FUT8: variants seen among roughly 807,000 people sequenced by gnomAD.
The protein encoded by FUT8 is alpha-(1,6)-fucosyltransferase.
FUT8 carries 29 observed loss-of-function variants against 71.3 expected under a neutral mutation model. The observed-to-expected ratio is 0.41, with a 90% CI of 0.30 to 0.55. FUT8 has a LOEUF of 0.55. Ranked by LOEUF, FUT8 falls within the 20% of genes least tolerant of loss-of-function variation. FUT8 has a pLI of 0.34. For synonymous variants in FUT8, 254 were observed against 239.3 expected (o/e 1.06, Z -0.57); for missense variants, 544 against 702.1 (o/e 0.77, Z 2.55).
upstream of FUT8, among the ~76,000 whole-genome samples, chr14:65,409,322 AT>A (rs2065100694): frequency 6.6e-6 from 1 of 152,178 alleles, no homozygotes; most frequent in South Asian, 2.1e-4. This position sits in a 1 kb window ranked among gnomAD's most constrained non-coding sequence, Gnocchi z 5.4. Flanking sequence ...AGATAGAAAA[AT>A]TTCTAAACTA....
Position 65,603,940 on chromosome 14 carries a change from C to A in FUT8, c.204-12038C>A, listed in dbSNP as rs946971425. On this transcript the variant is annotated intron_variant, in intron 3 of 10. Transcript: ENST00000673929. This position sits in a 1 kb window ranked among gnomAD's most constrained non-coding sequence, Gnocchi z 4.5. Reference sequence around the variant, plus strand: ...ATTTCATGCAAATGGACACCCAAAGCGAGCAGGAGTAGCTATTCTTACATC... The same window carrying A: ...ATTTCATGCAAATGGACACCCAAAGAGAGCAGGAGTAGCTATTCTTACATC... Among the ~76,000 whole-genome samples the A allele has an allele frequency of 6.6e-6, 1 of 151,582 alleles. No homozygotes were observed. Among genetic ancestry groups the A allele is most frequent in the Non-Finnish European group, 1.5e-5 (1 of 67,816 alleles).
intron 7 of FUT8, among the ~76,000 whole-genome samples, chr14:65,709,091 CAA>C (rs1250898926): frequency 6.6e-6 from 1 of 152,072 alleles, no homozygotes; most frequent in Admixed American, 6.6e-5. Flanking sequence ...ATATAAATAT[CAA>C]AACACCACAT....
rs1161573336 is a variant in FUT8 at position 65,437,961 on chromosome 14, G to A, written c.-325-17660G>A. 2.6e-5 allele frequency among the ~76,000 whole-genome samples: 4 copies of A among 152,212 alleles called. No homozygotes were observed. In the East Asian group the frequency reaches 7.7e-4, roughly 29 times the overall value. ...AATTATTTCTGCTTTGGTGTTTTCT[G>A]TTTGTTGGACATGTTGGTTTCATAC... On this transcript the variant is annotated intron_variant, in intron 1 of 10. Coordinates refer to ENST00000673929, the MANE Select transcript of FUT8 (RefSeq NM_001371533.1).
At chr14:65,431,272 A>G (rs2139429514) in intron 1 of FUT8, among the ~76,000 whole-genome samples, 1 of 139,660 alleles carries the variant, frequency 7.2e-6, no homozygotes, top group African/African-American at 2.6e-5. Context: ...AAAGTGTGGG[A>G]TTACAGGTGT....
In FUT8 at chr14:65,483,714, CA is replaced by C. The variant is rs971174890; in HGVS notation, c.-228+27997del. On this transcript the variant is annotated intron_variant, in intron 2 of 10. Coordinates refer to ENST00000673929, the MANE Select transcript of FUT8 (RefSeq NM_001371533.1). The surrounding 1 kb of genome is among the most constrained non-coding windows in gnomAD (Gnocchi z 4.4). ...GATGCTTTTATAAATATTTAAATAA[CA>C]TATCAATTTTTTTTTTTTGAGACAG... 6.6e-6 allele frequency among the ~76,000 whole-genome samples: 1 copy of C among 151,504 alleles called. No individual in the cohort carries two copies. The highest frequency in any genetic ancestry group is 2.4e-5 in the African/African-American group (1 of 41,064).
chr14:65,712,049 G>T (rs7143525), intron 7 of FUT8, among the ~76,000 whole-genome samples: 8,970 of 152,214 alleles, frequency 0.059, 320 homozygotes, highest in Admixed American at 0.11. Flanking sequence ...ATGGTACAGT[G>T]ATTTTTATTC....
chr14:65,733,656 A>G (rs1167902305), intron 10 of FUT8, among the ~76,000 whole-genome samples: 3 of 152,210 alleles, frequency 2.0e-5, no homozygotes, highest in Admixed American at 6.5e-5. Flanking sequence ...TGGCTTGTTC[A>G]CAGCATTTAA....
chr14:65,422,878 G>A (rs1045462877), intron 1 of FUT8, among the ~76,000 whole-genome samples: 5 of 151,266 alleles, frequency 3.3e-5, no homozygotes, highest in Admixed American at 3.3e-4. Context: ...GGCTGATCTT[G>A]AACTCCTGGC....
intron 2 of FUT8, among the ~76,000 whole-genome samples, chr14:65,530,417 G>A (rs895985468): frequency 2.0e-5 from 3 of 151,990 alleles, no homozygotes; most frequent in African/African-American, 7.2e-5. Flanking sequence ...ACATTTGGAG[G>A]GTAATTCTCG....
chr14:65,568,916 A>G (rs950874460), intron 3 of FUT8, among the ~76,000 whole-genome samples: 7 of 151,700 alleles, frequency 4.6e-5, no homozygotes, highest in African/African-American at 7.3e-5. Context: ...ATAATATCCT[A>G]TAGTATTTAT....
Position 65,633,809 on chromosome 14 carries a change from A to G in FUT8, c.597+4203A>G, listed in dbSNP as rs1890362600. 2.0e-5 allele frequency among the ~76,000 whole-genome samples: 3 copies of G among 151,256 alleles called. No homozygotes were observed. In the South Asian group the frequency reaches 6.3e-4, roughly 32 times the overall value. ...CAGCCACCCCGTCTGAGAAGTGAGG[A>G]GCGTCTCCGCCCGGCAGCCACCCTG... On this transcript the variant is annotated intron_variant, in intron 6 of 10. Transcript: ENST00000673929.
intron 2 of FUT8, among the ~76,000 whole-genome samples, chr14:65,460,112 C>T (rs1314627265): frequency 6.6e-6 from 1 of 152,016 alleles, no homozygotes; most frequent in African/African-American, 2.4e-5. Flanking sequence ...TTGTATTGTA[C>T]CAATTTTGTC....
chr14:65,540,474 G>A (rs1383595927), intron 2 of FUT8, among the ~76,000 whole-genome samples: 1 of 152,112 alleles, frequency 6.6e-6, no homozygotes, highest in African/African-American at 2.4e-5. Flanking sequence ...CAATCATTTT[G>A]TACCATGAGG....
chr14:65,616,025 G>C lies in FUT8; in HGVS notation c.251G>C (p.Arg84Pro), dbSNP rs757041953. Residue 84 changes from arginine to proline, a missense_variant, in exon 4 of 11, where the codon CGC becomes CCC. Coordinates refer to ENST00000673929, the MANE Select transcript of FUT8 (RefSeq NM_001371533.1). ...IDQGPAIGRV[R>P]VLEEQLVKAK... is the part of the protein sequence containing the mutation. ...CAGGGGCCAGCTATAGGAAGAGTAC[G>C]CGTTTTAGAAGAGCAGCTTGTTAAG... The C allele has an allele frequency of 6.2e-7, 1 of 1,614,032 alleles. No homozygotes were observed. The highest frequency in any genetic ancestry group is 1.7e-5 in the Admixed American group (1 of 60,016).
Position 65,713,662 on chromosome 14 carries a change from TC to T in FUT8, c.836-8110del, listed in dbSNP as rs1435683895. ...CTGAGCACCTCTTCATATACCTGTT[TC>T]CCATTTGTACATCTTCTTTTGAGAA... On this transcript the variant is annotated intron_variant, in intron 7 of 10. Transcript: ENST00000673929. Among the ~76,000 whole-genome samples the T allele has an allele frequency of 2.0e-5, 3 of 152,202 alleles. No individual in the cohort carries two copies. The East Asian group carries it at 5.8e-4, about 29-fold the overall frequency.
At chr14:65,395,993 C>T in the FUT8 span, among the ~76,000 whole-genome samples, 1 of 152,210 alleles carries the variant, frequency 6.6e-6, no homozygotes, top group Non-Finnish European at 1.5e-5. Flanking sequence ...GTCTCTAGGG[C>T]AGGGGCAAAA....
chr14:65,393,031 T>C, the FUT8 span, among the ~76,000 whole-genome samples: 3 of 152,188 alleles, frequency 2.0e-5, no homozygotes, highest in African/African-American at 7.2e-5. Context: ...TAGGAGTGGA[T>C]GTATTGTTGC....
intron 1 of FUT8, among the ~76,000 whole-genome samples, chr14:65,452,428 C>T (rs1031169814): frequency 7.2e-5 from 11 of 152,112 alleles, no homozygotes; most frequent in Admixed American, 3.3e-4. Flanking sequence ...CGAGATCATG[C>T]GGTTGCTCTA....
intron 10 of FUT8, among the ~76,000 whole-genome samples, chr14:65,735,543 T>C (rs1254079580): frequency 1.3e-5 from 2 of 152,126 alleles, no homozygotes; most frequent in Non-Finnish European, 2.9e-5. Context: ...ATAATTTCAC[T>C]CATTTGAACC....
Sources: allele counts gnomAD v4.1 joint callset (sites outside exome capture counted in the v4.1 genomes callset), GRCh38; gene constraint gnomAD v4.1.1; non-coding constraint Gnocchi (gnomAD v3.1); transcripts MANE v1.5; gene names NCBI Gene and HGNC (gene_info 2026-07-23, HGNC 2026-07-21).